The following AMBRA1 variants were observed in gnomAD, a reference collection of about 807,000 sequenced individuals.
AMBRA1 encodes activating molecule in BECN1-regulated autophagy protein 1.
AMBRA1 carries 47 observed loss-of-function variants against 125.4 expected under a neutral mutation model. The ratio of observed to expected loss-of-function variants is 0.37; its 90% CI spans 0.30 to 0.48. The LOEUF (loss-of-function observed/expected upper bound fraction) is 0.48, where lower values mean the gene tolerates loss of function less well. Among genes scored for constraint, AMBRA1 ranks in the 20% least tolerant of loss-of-function variants. The probability of loss-of-function intolerance (pLI) is 0.99; values close to 1 mark genes in which losing one functional copy is unlikely to be tolerated. For missense variants in AMBRA1, 1,331 were observed against 1,693.4 expected (o/e 0.79, Z 3.76); for synonymous variants, 626 against 655.5 (o/e 0.95, Z 0.69).
chr11:46,489,515 C>T (rs1950391643), intron 11 of AMBRA1, among the ~76,000 whole-genome samples: 2 of 152,190 alleles, frequency 1.3e-5, no homozygotes, highest in African/African-American at 4.8e-5. Flanking sequence ...GGGCACAAAG[C>T]CATCTCTTGC....
intron 7 of AMBRA1, among the ~76,000 whole-genome samples, chr11:46,516,591 T>C (rs945132104): frequency 2.0e-5 from 3 of 151,860 alleles, no homozygotes; most frequent in Admixed American, 6.6e-5. Flanking sequence ...CCACCATGCC[T>C]GGCTAATTTC....
chr11:46,462,254 C>G (rs1949126187), intron 11 of AMBRA1, among the ~76,000 whole-genome samples: 1 of 152,200 alleles, frequency 6.6e-6, no homozygotes, highest in African/African-American at 2.4e-5. Flanking sequence ...AAGACCAACT[C>G]CGTTGCTGGT....
At chr11:46,451,661 A>G (rs965225412) in intron 11 of AMBRA1, 2 of 153,884 alleles carry the variant, frequency 1.3e-5, no homozygotes, top group Non-Finnish European at 2.9e-5. Flanking sequence ...GTCCTGAAAA[A>G]TCTGTTTAAC....
chr11:46,404,926 C>T lies in AMBRA1; in HGVS notation c.3403+3587G>A, dbSNP rs1945937024. ...AGGTGAAACACCAGCAGACATACTT[C>T]TGAAGGTGGCAGCTCCTGCTCCCAG... is the stretch of plus-strand genomic sequence containing the variant. On this transcript the variant is annotated intron_variant, in intron 17 of 17. Transcript: ENST00000683756. Among the ~76,000 whole-genome samples, 3 of 152,232 alleles carry T rather than the reference C, an allele frequency of 2.0e-5. No individual in the cohort carries two copies. The South Asian group carries it at 6.2e-4, about 31-fold the overall frequency.
At chr11:46,570,096 A>G (rs2043701223) in intron 1 of AMBRA1, among the ~76,000 whole-genome samples, 1 of 151,994 alleles carries the variant, frequency 6.6e-6, no homozygotes. Flanking sequence ...TCCTGTCGCT[A>G]CTAAAAATAT....
Position 46,433,686 on chromosome 11 carries a change from AAC to A in AMBRA1, c.2822-60_2822-59del, listed in dbSNP as rs1028617016. ...AGGCTTCTGGCCATTCCAAGGAAACAACTTTCACTCTTACTCTTGTCTTTTTC... is the reference window on the plus strand; with the variant it reads ...AGGCTTCTGGCCATTCCAAGGAAACATTTCACTCTTACTCTTGTCTTTTTC... On this transcript the variant is annotated intron_variant, in intron 13 of 17. Transcript: ENST00000683756. 1.1e-4 allele frequency: 167 copies of A among 1,551,460 alleles called. No individual in the cohort carries two copies. The Admixed American group carries it at 3.0e-3, about 27-fold the overall frequency.
Position 46,399,130 on chromosome 11 carries a change from A to G in AMBRA1, c.3404-1187T>C, listed in dbSNP as rs562318867. ...GTTCTAGTCGCCCAGGCTGGAGTGC[A>G]ATGATGCGATCTCAGCTCACTGCAA... On this transcript the variant is annotated intron_variant, in intron 17 of 17. Transcript: ENST00000683756. Among the ~76,000 whole-genome samples the G allele has an allele frequency of 2.6e-5, 4 of 152,068 alleles. No individual in the cohort carries two copies. The East Asian group carries it at 7.7e-4, about 29-fold the overall frequency.
intron 12 of AMBRA1, among the ~76,000 whole-genome samples, chr11:46,436,961 C>G (rs1947748050): frequency 6.6e-6 from 1 of 152,192 alleles, no homozygotes; most frequent in African/African-American, 2.4e-5. Flanking sequence ...ACCATTTTAT[C>G]TACATTTAAT....
At chr11:46,524,875 G>A (rs1475095765) in intron 7 of AMBRA1, among the ~76,000 whole-genome samples, 2 of 152,234 alleles carry the variant, frequency 1.3e-5, no homozygotes, top group African/African-American at 4.8e-5. Flanking sequence ...AGAATCACAT[G>A]CACCCCATCC....
rs1488267227 is a variant in AMBRA1, at chr11:46,396,436, T to C, written c.*1014A>G. 6.6e-6 allele frequency: 1 copy of C among 152,584 alleles called. No homozygotes were observed. 9.5% of individuals were successfully genotyped at this position (152,584 alleles called of 1,614,324 possible). On this transcript the variant is annotated 3_prime_UTR_variant, in exon 18 of 18. Transcript: ENST00000683756. The stretch of plus-strand genomic sequence containing the variant: ...GGCGAGGGGCATGTCATCATTTTAA[T>C]GATGTGATCTTTGGTGTTTCCCTCA...
chr11:46,410,400 G>A (rs767039388), intron 15 of AMBRA1, 32 bp from the exon 16 acceptor site: 44 of 1,580,190 alleles, frequency 2.8e-5, no homozygotes, highest in Non-Finnish European at 3.7e-5. Context: ...TAAAGAAGAA[G>A]GTGAAAGGCA....
intron 11 of AMBRA1, among the ~76,000 whole-genome samples, 176 bp downstream of exon 11, chr11:46,493,432 C>T (rs920609172): frequency 1.3e-5 from 2 of 152,124 alleles, no homozygotes; most frequent in Non-Finnish European, 2.9e-5. Context: ...CATTTTTCTT[C>T]AACCCTGCCA....
Position 46,410,332 on chromosome 11 carries a change from C to A in AMBRA1, c.3153G>T (p.Gln1051His). ...GGACAGTGAAGACCGTCTCGTTCAG[C>A]TGGTCCCAGTAGTACTCAACACCAG... ...LNSGVEYYWD[Q>H]LNETVFTVHS... The change falls in exon 16 of 18, where the codon CAG becomes CAT. Residue 1051 changes from glutamine to histidine, a missense_variant. Gln to His is a conservative substitution (Grantham distance 24, BLOSUM62 0). This residue lies in a region of AMBRA1 where 354 missense variants were observed against 532.7 expected (regional missense o/e 0.66). Coordinates refer to ENST00000683756, the MANE Select transcript of AMBRA1 (RefSeq NM_001387011.1). The A allele has an allele frequency of 6.2e-7, 1 of 1,613,958 alleles. No individual in the cohort carries two copies. The highest frequency in any genetic ancestry group is 8.5e-7 in the Non-Finnish European group (1 of 1,179,892).
chr11:46,482,933 T>C (rs1247356768), intron 11 of AMBRA1, among the ~76,000 whole-genome samples: 1 of 148,270 alleles, frequency 6.7e-6, no homozygotes, highest in African/African-American at 2.5e-5. Context: ...CATTTGAACC[T>C]GGGAGGCGGA....
chr11:46,560,523 A>G (rs1472072644), intron 1 of AMBRA1, among the ~76,000 whole-genome samples: 5 of 152,178 alleles, frequency 3.3e-5, no homozygotes, highest in Admixed American at 6.5e-5. Context: ...ATAGAAAGCA[A>G]TAAGACCCAA....
chr11:46,476,959 A>T (rs1391890365), intron 11 of AMBRA1, among the ~76,000 whole-genome samples: 2 of 152,136 alleles, frequency 1.3e-5, no homozygotes, highest in Admixed American at 1.3e-4. Context: ...ATACAAAAAA[A>T]TTAGTTGGGC....
intron 7 of AMBRA1, among the ~76,000 whole-genome samples, chr11:46,533,757 C>G (rs1952328553): frequency 6.6e-6 from 1 of 152,110 alleles, no homozygotes; most frequent in South Asian, 2.1e-4. Context: ...GATCATGCTA[C>G]TCCACTTCTG....
chr11:46,520,539 C>T (rs1009975363), intron 7 of AMBRA1, among the ~76,000 whole-genome samples: 5 of 151,778 alleles, frequency 3.3e-5, no homozygotes, highest in African/African-American at 4.8e-5. Flanking sequence ...TACCTGACTC[C>T]TCCAGCCAGA....
At chr11:46,569,510 G>A (rs1231938203) in intron 1 of AMBRA1, among the ~76,000 whole-genome samples, 2 of 150,044 alleles carry the variant, frequency 1.3e-5, no homozygotes, top group African/African-American at 2.5e-5. Flanking sequence ...TCTGACTGGG[G>A]CAAACCTAGC....
Sources: allele counts gnomAD v4.1 joint callset (sites outside exome capture counted in the v4.1 genomes callset), GRCh38; gene constraint gnomAD v4.1.1; regional missense constraint gnomAD v4.1.1; transcripts MANE v1.5; gene names NCBI Gene and HGNC (gene_info 2026-07-23, HGNC 2026-07-21).